The following LDHC variants were observed in gnomAD, a reference collection of about 807,000 sequenced individuals.
The protein encoded by LDHC is L-lactate dehydrogenase C chain.
A neutral mutation model predicts 30.2 loss-of-function variants in LDHC; 20 were observed. The ratio of observed to expected loss-of-function variants is 0.66; its 90% confidence interval spans 0.47 to 0.96. The LOEUF is 0.96. Ranked by LOEUF, LDHC falls within the 40% of genes least tolerant of loss-of-function variation. The pLI, the probability that LDHC is intolerant of heterozygous loss-of-function variation, is 0.00. For synonymous variants in LDHC, 139 were observed against 132.7 expected, an observed-to-expected ratio of 1.05 and a Z score of -0.32; for missense variants, 362 against 394.9, an observed-to-expected ratio of 0.92 and a Z score of 0.71.
chr11:18,428,402 C>T (rs1011113487), intron 3 of LDHC, among the ~76,000 whole-genome samples: 7 of 151,612 alleles, frequency 4.6e-5, no homozygotes, highest in Non-Finnish European at 8.8e-5. Context: ...TCAAGTGATC[C>T]GCCAGCCTCA....
At chr11:18,436,618 C>T (rs1848359451) in intron 5 of LDHC, among the ~76,000 whole-genome samples, 1 of 151,114 alleles carries the variant, frequency 6.6e-6, no homozygotes, top group Admixed American at 6.6e-5. Context: ...TCCTGAGTAG[C>T]TGGGATTACG....
intron 3 of LDHC, among the ~76,000 whole-genome samples, chr11:18,429,233 C>T (rs906137364): frequency 6.6e-6 from 1 of 151,170 alleles, no homozygotes; most frequent in Non-Finnish European, 1.5e-5. Flanking sequence ...CTGCCTCAGC[C>T]TCCCAAGTAG....
intron 2 of LDHC, 74 bp from the exon 3 acceptor site, chr11:18,415,110 G>T: frequency 2.7e-6 from 2 of 730,594 alleles, no homozygotes; most frequent in South Asian, 1.9e-5. Context: ...TTATCAAGTA[G>T]CCACATGAAA....
intron 6 of LDHC, among the ~76,000 whole-genome samples, chr11:18,441,614 A>G (rs1848468431): frequency 6.7e-6 from 1 of 148,266 alleles, no homozygotes; most frequent in African/African-American, 2.5e-5. Context: ...CCTTTAGAAG[A>G]TATTTCAATG....
chr11:18,437,060 G>A (rs1848368284), intron 5 of LDHC, among the ~76,000 whole-genome samples: 1 of 152,062 alleles, frequency 6.6e-6, no homozygotes, highest in Admixed American at 6.6e-5. Context: ...ACTCTATCCT[G>A]TTGGTGTTGT....
At chr11:18,434,367 TG>T (rs1565053141) in intron 4 of LDHC, among the ~76,000 whole-genome samples, 1 of 152,154 alleles carries the variant, frequency 6.6e-6, no homozygotes, top group Non-Finnish European at 1.5e-5. Context: ...ATGTGATTTT[TG>T]GGGGGTGTTG....
chr11:18,424,480 C>A (rs1179874219), intron 3 of LDHC, among the ~76,000 whole-genome samples: 1 of 152,108 alleles, frequency 6.6e-6, no homozygotes, highest in Non-Finnish European at 1.5e-5. Flanking sequence ...AATATAGTCC[C>A]AAGAAAACTT....
intron 5 of LDHC, among the ~76,000 whole-genome samples, chr11:18,437,370 T>G (rs1002929147): frequency 6.6e-6 from 1 of 152,266 alleles, no homozygotes; most frequent in Non-Finnish European, 1.5e-5. Context: ...ATTTTATTTC[T>G]TACATTTCCC....
chr11:18,437,751 C>A (rs1477295224), intron 5 of LDHC, among the ~76,000 whole-genome samples: 1 of 126,388 alleles, frequency 7.9e-6, no homozygotes. Flanking sequence ...GACTCCCTCT[C>A]AAAAAAAAAA....
chr11:18,429,623 AGG>A, intron 3 of LDHC, 112 bp from the exon 4 acceptor site: 1 of 489,046 alleles, frequency 2.0e-6, no homozygotes, highest in African/African-American at 2.0e-5. Context: ...CCAGACATAA[AGG>A]TACATGGATA....
chr11:18,414,049 A>G (rs1866958413), intron 2 of LDHC, among the ~76,000 whole-genome samples: 1 of 152,210 alleles, frequency 6.6e-6, no homozygotes, highest in African/African-American at 2.4e-5. Context: ...GAGCCTTTCT[A>G]TGTGGTGGTA....
intron 4 of LDHC, 100 bp from the exon 5 acceptor site, chr11:18,434,640 C>T: frequency 1.5e-6 from 1 of 682,588 alleles, no homozygotes; most frequent in Non-Finnish European, 2.6e-6. Context: ...TGTAATAAAT[C>T]TGTATTTGAC....
rs768845228 is a variant in LDHC at position 18,434,817 on chromosome 11, G to C, written c.496G>C (p.Asp166His). 2 of 1,611,430 alleles carry C rather than the reference G, an allele frequency of 1.2e-6. No homozygotes were observed. The highest frequency in any genetic ancestry group is 4.5e-5 in the East Asian group (2 of 44,862). Reference sequence around the variant, plus strand: ...TGTAATTGGAAGTGGTTGTAATCTAGACTCTGCCCGTTTCCGTTACCTAAT... The same window carrying C: ...TGTAATTGGAAGTGGTTGTAATCTACACTCTGCCCGTTTCCGTTACCTAAT... The part of the protein sequence containing the change: ...TRVIGSGCNL[D>H]SARFRYLIGE... The change falls in exon 5 of 8, where the codon GAC becomes CAC. Residue 166 changes from aspartate (D) to histidine (H), a missense_variant. Physicochemically the swap from Asp to His is moderately conservative, Grantham distance 81. Transcript: ENST00000541669.
chr11:18,428,510 A>G (rs1255259080), intron 3 of LDHC, among the ~76,000 whole-genome samples: 1 of 152,098 alleles, frequency 6.6e-6, no homozygotes, highest in Non-Finnish European at 1.5e-5. Context: ...AGATAGATAT[A>G]GAGGATATTT....
At chr11:18,430,321 TTTTG>T (rs1304152638) in intron 4 of LDHC, among the ~76,000 whole-genome samples, 3 of 152,198 alleles carry the variant, frequency 2.0e-5, no homozygotes, top group African/African-American at 7.2e-5. Flanking sequence ...TTATACATTT[TTTTG>T]TTTGTGTGTT....
At chr11:18,419,265 T>G (rs186825762) in intron 3 of LDHC, among the ~76,000 whole-genome samples, 1 of 152,308 alleles carries the variant, frequency 6.6e-6, no homozygotes, top group Non-Finnish European at 1.5e-5. Context: ...CCAGTGAGAC[T>G]CTATTTACCA....
chr11:18,412,617 C>A, intron 1 of LDHC, 92 bp from the exon 2 acceptor site: 2 of 1,186,344 alleles, frequency 1.7e-6, no homozygotes, highest in East Asian at 5.0e-5. Context: ...TGGCTTCCCC[C>A]CATCCCCGGC....
At chr11:18,422,397 A>C (rs946632309) in intron 3 of LDHC, among the ~76,000 whole-genome samples, 4 of 151,862 alleles carry the variant, frequency 2.6e-5, no homozygotes, top group African/African-American at 9.7e-5. Context: ...CTCTACTAAA[A>C]ATACAAAAAT....
rs1308822746 is a variant in LDHC, at chr11:18,437,669, G to A, written c.593-859G>A. Among the ~76,000 whole-genome samples the A allele has an allele frequency of 2.0e-5, 3 of 150,826 alleles. No individual in the cohort carries two copies. The East Asian group carries it at 5.9e-4, about 30-fold the overall frequency. On this transcript the variant is annotated intron_variant, in intron 5 of 7. Transcript: ENST00000541669. ...CGGGAGGCTGAGGCGGGAGAATGGC[G>A]TGAACCCGGGAGGTGGAGCTTGCAG...
Sources: allele counts gnomAD v4.1 joint callset (sites outside exome capture counted in the v4.1 genomes callset), GRCh38; gene constraint gnomAD v4.1.1; transcripts MANE v1.5; gene names NCBI Gene and HGNC (gene_info 2026-07-23, HGNC 2026-07-21).